The following PDE7B variants were observed in gnomAD, a reference collection of about 807,000 sequenced individuals.
PDE7B encodes phosphodiesterase 7B, also known as 3',5'-cyclic-AMP phosphodiesterase 7B.
A neutral mutation model predicts 56.2 loss-of-function variants in PDE7B; 29 were observed. The observed-to-expected ratio is 0.52, with a 90% CI of 0.38 to 0.70. The LOEUF (loss-of-function observed/expected upper bound fraction) is 0.70. Among genes scored for constraint, PDE7B ranks in the 30% least tolerant of loss-of-function variants. The pLI, the probability that PDE7B is intolerant of heterozygous loss-of-function variation, is 0.00. For synonymous variants in PDE7B, 197 were observed against 196.9 expected, an observed-to-expected ratio of 1.00 and a Z score of 0.00; for missense variants, 490 against 565.0, an observed-to-expected ratio of 0.87 and a Z score of 1.35.
At chr6:136,015,981 T>A (rs1390640245) in intron 2 of PDE7B, among the ~76,000 whole-genome samples, 1 of 152,186 alleles carries the variant, frequency 6.6e-6, no homozygotes, top group Non-Finnish European at 1.5e-5. Flanking sequence ...AAAGATGATG[T>A]TTTTCACTTC....
chr6:135,997,413 CAAAAAAAAAAAAAAAAAAAAAAAA>C (rs59388049), intron 2 of PDE7B, among the ~76,000 whole-genome samples: 10 of 10,714 alleles, frequency 9.3e-4, no homozygotes, highest in Admixed American at 2.0e-3. Context: ...GACCCTGTCT[CAAAAAAAAAAAAAAAAAAAAAAAA>C]AAAAAAAAAA....
chr6:136,171,267 A>G (rs1473516345), intron 8 of PDE7B, among the ~76,000 whole-genome samples: 1 of 152,206 alleles, frequency 6.6e-6, no homozygotes, highest in African/African-American at 2.4e-5. Flanking sequence ...TAATTGAGCA[A>G]GGAAGCAATT....
chr6:136,055,698 A>T (rs1166601396), intron 2 of PDE7B, among the ~76,000 whole-genome samples: 1 of 152,244 alleles, frequency 6.6e-6, no homozygotes, highest in Non-Finnish European at 1.5e-5. Flanking sequence ...CCTATTCAGT[A>T]CAAAAGTGAG....
In PDE7B at chr6:136,125,819, A is replaced by G. The variant is rs150541483; in HGVS notation, c.166+17005A>G. Among the ~76,000 whole-genome samples, 3 of 152,192 alleles carry G rather than the reference A, an allele frequency of 2.0e-5. No individual in the cohort carries two copies. The East Asian group carries it at 5.8e-4, about 30-fold the overall frequency. On this transcript the variant is annotated intron_variant, in intron 3 of 12. Transcript: ENST00000308191. The stretch of plus-strand genomic sequence containing the variant: ...GGCTTCAGACAGGAACCCATTACAC[A>G]ACAGCCTTCCCGGGGCGTTTTTACC...
intron 2 of PDE7B, among the ~76,000 whole-genome samples, chr6:136,101,176 T>C (rs1336140016): frequency 6.6e-6 from 1 of 152,230 alleles, no homozygotes; most frequent in African/African-American, 2.4e-5. Context: ...CAGTATTTTA[T>C]TTAGGATTTT....
chr6:136,112,064 G>C (rs141870056), intron 3 of PDE7B, among the ~76,000 whole-genome samples: 20 of 152,066 alleles, frequency 1.3e-4, no homozygotes, highest in African/African-American at 4.8e-4. Flanking sequence ...CCAAAGTGTC[G>C]CTGGGTGGGT....
intron 2 of PDE7B, among the ~76,000 whole-genome samples, chr6:135,988,757 G>A (rs547854175): frequency 9.5e-4 from 144 of 152,278 alleles, no homozygotes; most frequent in African/African-American, 3.4e-3. Flanking sequence ...CAGGGAAATC[G>A]TGAGATAAGA....
chr6:136,191,501 T>C (rs1387190249), intron 12 of PDE7B, 113 bp from the exon 13 acceptor site: 6 of 860,464 alleles, frequency 7.0e-6, no homozygotes, highest in Non-Finnish European at 1.1e-5. Flanking sequence ...ACCCCATCTC[T>C]ACTAAAGATA....
chr6:135,883,016 A>G (rs1775637878), intron 1 of PDE7B, among the ~76,000 whole-genome samples: 2 of 152,200 alleles, frequency 1.3e-5, no homozygotes, highest in Admixed American at 1.3e-4. Flanking sequence ...TTCAGACTAC[A>G]TATCCTCAAT....
intron 1 of PDE7B, among the ~76,000 whole-genome samples, chr6:135,904,690 C>G (rs1776066442): frequency 6.6e-6 from 1 of 152,054 alleles, no homozygotes. Context: ...TACTTTTAGT[C>G]ATAGCATCGA....
intron 2 of PDE7B, among the ~76,000 whole-genome samples, chr6:136,093,181 G>A (rs897827998): frequency 6.6e-6 from 1 of 152,270 alleles, no homozygotes; most frequent in Non-Finnish European, 1.5e-5. Flanking sequence ...GAAAACAAAC[G>A]ATGCTGCTTG....
At chr6:136,182,795 C>T (rs1394653252) in intron 11 of PDE7B, among the ~76,000 whole-genome samples, 1 of 152,170 alleles carries the variant, frequency 6.6e-6, no homozygotes, top group African/African-American at 2.4e-5. Flanking sequence ...TTTCTTGGGC[C>T]TGGTGCAGTG....
intron 1 of PDE7B, among the ~76,000 whole-genome samples, chr6:135,882,302 C>T (rs912926355): frequency 6.6e-6 from 1 of 152,090 alleles, no homozygotes; most frequent in Admixed American, 6.6e-5. Context: ...ACTGACAGCG[C>T]TAAAATATAC....
chr6:135,908,252 C>T (rs879327593), intron 1 of PDE7B, among the ~76,000 whole-genome samples: 1 of 140,730 alleles, frequency 7.1e-6, no homozygotes, highest in Non-Finnish European at 1.5e-5. Flanking sequence ...CCACGCCCGA[C>T]TAATTTTGTA....
At chr6:136,184,275 A>C (rs1055309348) in intron 11 of PDE7B, among the ~76,000 whole-genome samples, 1 of 152,158 alleles carries the variant, frequency 6.6e-6, no homozygotes, top group Non-Finnish European at 1.5e-5. Flanking sequence ...TGAAACATAA[A>C]CGTGTTGAAT....
At chr6:136,093,923 C>A (rs1301905921) in intron 2 of PDE7B, 1 of 152,316 alleles carries the variant, frequency 6.6e-6, no homozygotes, top group African/African-American at 2.4e-5. Flanking sequence ...CACTCTAAGT[C>A]TCTAAACTAT....
At chr6:135,895,070 GTCAAA>G (rs1218906040) in intron 1 of PDE7B, among the ~76,000 whole-genome samples, 1 of 151,846 alleles carries the variant, frequency 6.6e-6, no homozygotes, top group African/African-American at 2.4e-5. Flanking sequence ...TATATAAGCA[GTCAAA>G]TCAGAGAAGG....
chr6:136,128,280 A>T lies in PDE7B; in HGVS notation c.167-19071A>T, dbSNP rs188501888. 4.4e-4 allele frequency among the ~76,000 whole-genome samples: 67 copies of T among 152,292 alleles called. No individual in the cohort carries two copies. In the South Asian group the frequency reaches 7.5e-3, roughly 17 times the overall value. On this transcript the variant is annotated intron_variant, in intron 3 of 12. Transcript: ENST00000308191. ...CCTTAACAGAAAGCTGACAATCAAC[A>T]ATAGCCCACAGGGCTTTATTTGCAA... is the stretch of plus-strand genomic sequence containing the variant.
intron 2 of PDE7B, among the ~76,000 whole-genome samples, chr6:136,091,954 A>G (rs1777394758): frequency 6.6e-6 from 1 of 152,262 alleles, no homozygotes; most frequent in Admixed American, 6.5e-5. Flanking sequence ...TCCATTCAAC[A>G]GTTACAATTA....
Sources: gnomAD v4.1 joint callset for allele counts (sites outside exome capture counted in the v4.1 genomes callset) on GRCh38, gnomAD v4.1.1 for gene constraint, MANE v1.5 for transcripts, NCBI Gene and HGNC (gene_info 2026-07-23, HGNC 2026-07-21) for gene names.